EBF1: variants seen among roughly 807,000 people sequenced by gnomAD.
EBF1 encodes the protein transcription factor COE1.
A neutral mutation model predicts 68.4 loss-of-function variants in EBF1; 10 were observed. The observed-to-expected ratio is 0.15, with a 90% CI of 0.09 to 0.25. The LOEUF (loss-of-function observed/expected upper bound fraction) is 0.25. Among genes scored for constraint, EBF1 ranks in the 10% least tolerant of loss-of-function variants. The pLI, the probability that EBF1 is intolerant of heterozygous loss-of-function variation, is 1.00. For synonymous variants in EBF1, 298 were observed against 299.8 expected, an observed-to-expected ratio of 0.99 and a Z score of 0.06; for missense variants, 509 against 794.4, an observed-to-expected ratio of 0.64 and a Z score of 4.32.
intron 6 of EBF1, among the ~76,000 whole-genome samples, chr5:158,913,873 T>C (rs1477020014): frequency 6.6e-6 from 1 of 152,244 alleles, no homozygotes; most frequent in Non-Finnish European, 1.5e-5. Context: ...GGCTTTAGTT[T>C]AACTGCAGAA....
At chr5:158,944,199 C>G (rs536032409) in intron 6 of EBF1, among the ~76,000 whole-genome samples, 1 of 152,302 alleles carries the variant, frequency 6.6e-6, no homozygotes, top group African/African-American at 2.4e-5. Flanking sequence ...TTAGTTTCTC[C>G]TAATGCCATC....
chr5:158,941,514 C>T (rs1163289685), intron 6 of EBF1, among the ~76,000 whole-genome samples: 1 of 152,180 alleles, frequency 6.6e-6, no homozygotes, highest in Non-Finnish European at 1.5e-5. Context: ...AGGATTTCCA[C>T]TGAATTATCC....
intron 7 of EBF1, among the ~76,000 whole-genome samples, chr5:158,826,068 C>A (rs898943106): frequency 6.6e-6 from 1 of 152,118 alleles, no homozygotes; most frequent in East Asian, 1.9e-4. Flanking sequence ...AGGGGACAGA[C>A]AAGCCTGCCA....
At chr5:158,957,818 A>G (rs955310310) in intron 6 of EBF1, among the ~76,000 whole-genome samples, 1 of 152,208 alleles carries the variant, frequency 6.6e-6, no homozygotes, top group Non-Finnish European at 1.5e-5. Context: ...CAATACCCCT[A>G]ATGCAGAAAA....
chr5:158,772,990 T>C (rs1198616781), intron 10 of EBF1, among the ~76,000 whole-genome samples: 5 of 152,108 alleles, frequency 3.3e-5, no homozygotes, highest in Non-Finnish European at 7.4e-5. Flanking sequence ...ATAACCTCTC[T>C]AGTAAATGGT....
At chr5:158,941,244 G>T (rs1042405106) in intron 6 of EBF1, 2 of 455,848 alleles carry the variant, frequency 4.4e-6, no homozygotes, top group Non-Finnish European at 4.4e-6. Flanking sequence ...TAATGTGAGG[G>T]GTTAGACCCA....
chr5:158,972,193 CTG>C (rs1351666295), intron 6 of EBF1, among the ~76,000 whole-genome samples: 6 of 152,170 alleles, frequency 3.9e-5, no homozygotes, highest in Non-Finnish European at 7.3e-5. Flanking sequence ...CCACCTCAAT[CTG>C]TGTCCCCAGC....
intron 6 of EBF1, among the ~76,000 whole-genome samples, chr5:159,040,800 A>T (rs906616827): frequency 4.6e-5 from 7 of 152,230 alleles, no homozygotes; most frequent in Admixed American, 3.9e-4. Flanking sequence ...ACTATAAATC[A>T]GAATTCCATA....
intron 6 of EBF1, among the ~76,000 whole-genome samples, chr5:158,882,294 C>T (rs758144867): frequency 6.6e-5 from 10 of 152,142 alleles, no homozygotes; most frequent in Non-Finnish European, 1.3e-4. Flanking sequence ...CATTTAGTAA[C>T]GTCTCTCCAT....
intron 6 of EBF1, among the ~76,000 whole-genome samples, chr5:158,946,519 C>T (rs547760988): frequency 2.0e-5 from 3 of 152,200 alleles, no homozygotes; most frequent in Non-Finnish European, 4.4e-5. Flanking sequence ...GCGGAGGCTG[C>T]AGAACAGCCA....
At chr5:159,001,126 A>G (rs532419392) in intron 6 of EBF1, among the ~76,000 whole-genome samples, 23 of 152,318 alleles carry the variant, frequency 1.5e-4, no homozygotes, top group Admixed American at 1.4e-3. Context: ...AAGTCAGACA[A>G]TGTAAAAATG....
chr5:158,739,460 A>G (rs531188472), intron 10 of EBF1, among the ~76,000 whole-genome samples: 20 of 152,348 alleles, frequency 1.3e-4, no homozygotes, highest in African/African-American at 4.8e-4. Flanking sequence ...AACTAAAATA[A>G]AATCCCTTGA....
rs142045530 is a variant in EBF1 at position 158,921,319 on chromosome 5, C to A, written c.555-81209G>T. ...CTTATTCTGAATTCAAATCTTAGAC[C>A]CAGTGCATATAATACACTGCCTTAA... On this transcript the variant is annotated intron_variant, in intron 6 of 15. Coordinates refer to ENST00000313708, the MANE Select transcript of EBF1 (RefSeq NM_024007.5). Among the ~76,000 whole-genome samples the A allele has an allele frequency of 1.5e-3, 227 of 152,196 alleles. 1 individual carries two copies. The highest frequency in any genetic ancestry group is 0.01 in the Middle Eastern group (3 of 294).
At chr5:158,883,513 C>T (rs950753881) in intron 6 of EBF1, among the ~76,000 whole-genome samples, 2 of 152,100 alleles carry the variant, frequency 1.3e-5, no homozygotes, top group Middle Eastern at 6.8e-3. Flanking sequence ...CATGCCCCAC[C>T]GTGCACTCCC....
At chr5:159,088,190 C>A (rs1584530326) in intron 4 of EBF1, among the ~76,000 whole-genome samples, 1 of 152,088 alleles carries the variant, frequency 6.6e-6, no homozygotes, top group East Asian at 1.9e-4. Context: ...CACATGTACC[C>A]CTATCATACA....
At chr5:158,837,533 A>G (rs1789082745) in intron 7 of EBF1, among the ~76,000 whole-genome samples, 1 of 152,222 alleles carries the variant, frequency 6.6e-6, no homozygotes, top group South Asian at 2.1e-4. Context: ...AAGACTTTCC[A>G]GATATCTATG....
intron 6 of EBF1, among the ~76,000 whole-genome samples, chr5:158,967,840 A>G (rs1399597914): frequency 6.6e-6 from 1 of 152,234 alleles, no homozygotes; most frequent in Non-Finnish European, 1.5e-5. Context: ...TGATTCAGCC[A>G]AAACTACAAA....
At chr5:158,990,964 T>C (rs1277539985) in intron 6 of EBF1, among the ~76,000 whole-genome samples, 2 of 152,198 alleles carry the variant, frequency 1.3e-5, no homozygotes, top group Admixed American at 6.5e-5. Flanking sequence ...ACTACACTAA[T>C]GGATCCCAAC....
chr5:159,099,639 T>C lies in EBF1; in HGVS notation c.-161A>G. 2.0e-6 allele frequency: 2 copies of C among 980,984 alleles called. No homozygotes were observed. Among genetic ancestry groups the C allele is most frequent in the Non-Finnish European group, 2.8e-6 (2 of 720,054 alleles). The allele number at this position is 980,984 out of a possible 1,614,324, so 60.8% of individuals were successfully genotyped here. A position where few individuals can be genotyped will look rare whatever the true frequency, so the allele number is the denominator to read the frequency against. On this transcript the variant is annotated 5_prime_UTR_variant, in exon 1 of 16. Coordinates refer to ENST00000313708, the MANE Select transcript of EBF1 (RefSeq NM_024007.5). ...TCGCACTTAGAAGATCAAGGCGGGC[T>C]GGAAAGCAAATTTTTAAAAAATGTA...
Sources: allele counts gnomAD v4.1 joint callset (sites outside exome capture counted in the v4.1 genomes callset), GRCh38; gene constraint gnomAD v4.1.1; transcripts MANE v1.5; gene names NCBI Gene and HGNC (gene_info 2026-07-23, HGNC 2026-07-21).